The following CPA6 variants were observed in gnomAD, a reference collection of about 807,000 sequenced individuals.
The protein encoded by CPA6 is carboxypeptidase B.
A neutral mutation model predicts 63.3 loss-of-function variants in CPA6; 58 were observed. The ratio of observed to expected loss-of-function variants is 0.92; its 90% CI spans 0.74 to 1.14. The LOEUF (loss-of-function observed/expected upper bound fraction) is 1.14. CPA6 is among the 50% of genes most tolerant of loss of function. The probability of loss-of-function intolerance (pLI) is 0.00; values close to 1 mark genes in which losing one functional copy is unlikely to be tolerated. For missense variants in CPA6, 565 were observed against 526.6 expected (o/e 1.07, Z -0.71); for synonymous variants, 185 against 179.0 (o/e 1.03, Z -0.27).
rs73683163 is a variant in CPA6, at chr8:67,676,324, C to T, written c.117-52073G>A. Among the ~76,000 whole-genome samples, 1,094 of 152,318 alleles carry T rather than the reference C, an allele frequency of 7.2e-3. 18 individuals carry two copies. The highest frequency in any genetic ancestry group is 0.025 in the African/African-American group (1,038 of 41,570). On this transcript the variant is annotated intron_variant, in intron 1 of 10. Coordinates refer to ENST00000297770, the MANE Select transcript of CPA6 (RefSeq NM_020361.5). ...GCATTTGTAAGGTTTAACCCACGTT[C>T]AAATAGGGCTTAAAAGAAATCAGAT...
chr8:67,537,370 G>T (rs1376530668), intron 2 of CPA6, among the ~76,000 whole-genome samples: 1 of 152,144 alleles, frequency 6.6e-6, no homozygotes, highest in Non-Finnish European at 1.5e-5. Context: ...CTCAATTTCA[G>T]AACTTGTTAT....
intron 2 of CPA6, among the ~76,000 whole-genome samples, chr8:67,590,193 T>C (rs1383781816): frequency 3.9e-5 from 6 of 152,102 alleles, no homozygotes; most frequent in Non-Finnish European, 8.8e-5. Context: ...TCCAATTTCA[T>C]CCATGTCCCT....
At chr8:67,745,199 A>G (rs1165376281) in intron 1 of CPA6, among the ~76,000 whole-genome samples, 2 of 152,230 alleles carry the variant, frequency 1.3e-5, no homozygotes, top group Non-Finnish European at 2.9e-5. Context: ...GTAAAAAGGA[A>G]TTGAACTAGA....
intron 8 of CPA6, among the ~76,000 whole-genome samples, chr8:67,464,203 C>T (rs957014929): frequency 1.3e-5 from 2 of 152,200 alleles, no homozygotes; most frequent in Middle Eastern, 3.4e-3. Context: ...TTTTAATAGC[C>T]ATTTTGATTG....
intron 1 of CPA6, among the ~76,000 whole-genome samples, chr8:67,688,609 A>G (rs1441376309): frequency 2.6e-5 from 4 of 152,148 alleles, no homozygotes; most frequent in Non-Finnish European, 5.9e-5. Flanking sequence ...GTCAAAAACA[A>G]CACTTTTGTG....
intron 2 of CPA6, among the ~76,000 whole-genome samples, chr8:67,549,661 G>A (rs867884793): frequency 2.6e-5 from 4 of 152,164 alleles, no homozygotes; most frequent in Admixed American, 6.5e-5. Flanking sequence ...CCAGCCCCTG[G>A]AAACCACCAT....
At chr8:67,582,131 G>A (rs1564009442) in intron 2 of CPA6, among the ~76,000 whole-genome samples, 1 of 152,180 alleles carries the variant, frequency 6.6e-6, no homozygotes, top group African/African-American at 2.4e-5. Context: ...GAAATAAAAG[G>A]TGAACAGCTG....
At chr8:67,496,258 C>T (rs1811707549) in intron 6 of CPA6, among the ~76,000 whole-genome samples, 2 of 151,974 alleles carry the variant, frequency 1.3e-5, no homozygotes, top group Non-Finnish European at 2.9e-5. Context: ...AGAATGCAGA[C>T]CCCTTAGTGC....
intron 8 of CPA6, among the ~76,000 whole-genome samples, chr8:67,469,831 TTCCCTTCTCCAC>T (rs1811015434): frequency 6.6e-6 from 1 of 152,128 alleles, no homozygotes. Context: ...TTTATCTCTT[TTCCCTTCTCCAC>T]TCCCTCTTTC....
chr8:67,538,066 C>G (rs141143342), intron 2 of CPA6, among the ~76,000 whole-genome samples: 1 of 152,136 alleles, frequency 6.6e-6, no homozygotes, highest in Non-Finnish European at 1.5e-5. Context: ...GTTATGATTT[C>G]TGTTCTTTTG....
At chr8:67,743,256 C>A (rs1298748301) in intron 1 of CPA6, among the ~76,000 whole-genome samples, 1 of 152,150 alleles carries the variant, frequency 6.6e-6, no homozygotes, top group Non-Finnish European at 1.5e-5. Flanking sequence ...ACAAAAAAGG[C>A]ACTAGCTTTT....
intron 2 of CPA6, among the ~76,000 whole-genome samples, chr8:67,573,887 G>A (rs1366922428): frequency 1.2e-4 from 6 of 49,120 alleles, no homozygotes; most frequent in African/African-American, 6.1e-4. Flanking sequence ...GCAAGACTCC[G>A]TCTCAAAAAA....
At chr8:67,460,942 T>C (rs1416984464) in intron 8 of CPA6, among the ~76,000 whole-genome samples, 2 of 152,090 alleles carry the variant, frequency 1.3e-5, no homozygotes, top group African/African-American at 4.8e-5. Flanking sequence ...CTAGATTAAA[T>C]ATAACTCAGT....
At chr8:67,710,404 C>G (rs1224112453) in intron 1 of CPA6, among the ~76,000 whole-genome samples, 2 of 109,752 alleles carry the variant, frequency 1.8e-5, no homozygotes, top group East Asian at 2.8e-4. Flanking sequence ...CCCGCCCCCA[C>G]CCCCCCCCAA....
At chr8:67,676,584 A>C (rs962443645) in intron 1 of CPA6, among the ~76,000 whole-genome samples, 7 of 152,186 alleles carry the variant, frequency 4.6e-5, no homozygotes, top group Non-Finnish European at 1.0e-4. Context: ...CTGCACTATA[A>C]AACTTTTATA....
At chr8:67,742,439 G>A (rs1258139248) in intron 1 of CPA6, among the ~76,000 whole-genome samples, 1 of 152,180 alleles carries the variant, frequency 6.6e-6, no homozygotes, top group Non-Finnish European at 1.5e-5. Flanking sequence ...AGAGCTGGGT[G>A]AGAATCTCAA....
At chr8:67,512,074 T>C (rs1812054034) in intron 3 of CPA6, among the ~76,000 whole-genome samples, 1 of 152,178 alleles carries the variant, frequency 6.6e-6, no homozygotes, top group African/African-American at 2.4e-5. Flanking sequence ...ATTTATAAAA[T>C]GGGGAAACTG....
At chr8:67,425,461 G>A (rs1019516589) in intron 10 of CPA6, among the ~76,000 whole-genome samples, 1 of 152,040 alleles carries the variant, frequency 6.6e-6, no homozygotes, top group Non-Finnish European at 1.5e-5. Context: ...TGCAACCTCT[G>A]TCCCCCTGGT....
In CPA6 at chr8:67,633,511, C is replaced by T. The variant is rs963688271; in HGVS notation, c.117-9260G>A. 2.6e-5 allele frequency among the ~76,000 whole-genome samples: 4 copies of T among 152,036 alleles called. No homozygotes were observed. In the East Asian group the frequency reaches 7.7e-4, roughly 29 times the overall value. ...CATGGCTAACATGGTGAAACCTCGT[C>T]TCTATTAAAAATACAAAAAATTAGC... On this transcript the variant is annotated intron_variant, in intron 1 of 10. Transcript: ENST00000297770.
Sources: allele counts gnomAD v4.1 joint callset (sites outside exome capture counted in the v4.1 genomes callset), GRCh38; gene constraint gnomAD v4.1.1; transcripts MANE v1.5; gene names NCBI Gene and HGNC (gene_info 2026-07-23, HGNC 2026-07-21).